FHIT: variants seen among roughly 807,000 people sequenced by gnomAD.
FHIT encodes bis(5'-adenosyl)-triphosphatase.
FHIT carries 19 observed loss-of-function variants against 17.9 expected under a neutral mutation model. The observed-to-expected ratio is 1.06, with a 90% confidence interval of 0.74 to 1.56. The LOEUF (loss-of-function observed/expected upper bound fraction) is 1.56, where lower values mean the gene tolerates loss of function less well. FHIT is among the 40% of genes most tolerant of loss of function. The pLI, the probability that FHIT is intolerant of heterozygous loss-of-function variation, is 0.00. For synonymous variants in FHIT, 81 were observed against 69.7 expected, an observed-to-expected ratio of 1.16 and a Z score of -0.81; for missense variants, 248 against 189.2, an observed-to-expected ratio of 1.31 and a Z score of -1.82.
At chr3:61,062,314 C>A (rs2034456894) in intron 2 of FHIT, among the ~76,000 whole-genome samples, 1 of 152,028 alleles carries the variant, frequency 6.6e-6, no homozygotes, top group South Asian at 2.1e-4. Flanking sequence ...AATGAGGTCC[C>A]TAAGAGTCCC....
At chr3:59,834,142 T>C (rs958678230) in intron 8 of FHIT, among the ~76,000 whole-genome samples, 5 of 152,150 alleles carry the variant, frequency 3.3e-5, no homozygotes, top group Non-Finnish European at 7.4e-5. Flanking sequence ...CACAATGCAA[T>C]GGTCATGCAC....
At chr3:60,206,132 C>CAAA (rs367903030) in intron 5 of FHIT, among the ~76,000 whole-genome samples, 2 of 75,558 alleles carry the variant, frequency 2.6e-5, no homozygotes, top group Non-Finnish European at 5.4e-5. Flanking sequence ...GACTCCGTCT[C>CAAA]AAAAAAAAAA....
chr3:61,014,103 T>C (rs535756496), intron 3 of FHIT, among the ~76,000 whole-genome samples: 1 of 152,286 alleles, frequency 6.6e-6, no homozygotes, highest in South Asian at 2.1e-4. Context: ...TCCAGATTCC[T>C]ACTCAAGCTG....
chr3:60,460,383 C>T (rs900665820), intron 5 of FHIT, among the ~76,000 whole-genome samples: 2 of 151,742 alleles, frequency 1.3e-5, no homozygotes, highest in African/African-American at 2.4e-5. Flanking sequence ...AGGGAAATAA[C>T]ACCTTTTTTT....
chr3:60,299,871 T>A (rs1429533767), intron 5 of FHIT, among the ~76,000 whole-genome samples: 4 of 152,138 alleles, frequency 2.6e-5, no homozygotes, highest in African/African-American at 9.7e-5. Context: ...AATGTGTGTA[T>A]GTGTGGTGTT....
chr3:59,995,878 C>T (rs1699486674), intron 7 of FHIT, among the ~76,000 whole-genome samples: 1 of 152,090 alleles, frequency 6.6e-6, no homozygotes, highest in African/African-American at 2.4e-5. Flanking sequence ...GGGACTGACA[C>T]TAAACTGAAA....
intron 3 of FHIT, among the ~76,000 whole-genome samples, chr3:60,927,788 C>T (rs1369908115): frequency 4.6e-5 from 7 of 152,320 alleles, no homozygotes; most frequent in South Asian, 2.1e-4. Flanking sequence ...TCTGCCCGGC[C>T]GCCAATCCAT....
intron 2 of FHIT, among the ~76,000 whole-genome samples, chr3:61,153,531 T>C (rs560988859): frequency 6.6e-6 from 1 of 152,336 alleles, no homozygotes; most frequent in East Asian, 1.9e-4. Context: ...TTGGGCTTTA[T>C]TCACTTTTTG....
intron 2 of FHIT, among the ~76,000 whole-genome samples, chr3:61,179,331 C>G (rs1391478443): frequency 6.6e-6 from 1 of 152,018 alleles, no homozygotes; most frequent in Non-Finnish European, 1.5e-5. Flanking sequence ...TTCTTAAACA[C>G]AAAAAGATCA....
chr3:59,893,118 G>A (rs1213438684), intron 8 of FHIT, among the ~76,000 whole-genome samples: 4 of 152,158 alleles, frequency 2.6e-5, no homozygotes, highest in Admixed American at 6.5e-5. Context: ...CATTTGGACC[G>A]AACATTTCAC....
chr3:60,621,259 C>T (rs1273002853), intron 4 of FHIT, among the ~76,000 whole-genome samples: 2 of 150,710 alleles, frequency 1.3e-5, no homozygotes, highest in Non-Finnish European at 2.9e-5. Context: ...AGCAATTCTC[C>T]TACCTCAGCC....
intron 5 of FHIT, among the ~76,000 whole-genome samples, chr3:60,198,408 A>G (rs1229566468): frequency 6.6e-6 from 1 of 152,238 alleles, no homozygotes; most frequent in Non-Finnish European, 1.5e-5. Flanking sequence ...TAAATTAAAA[A>G]GTAATCACAT....
chr3:60,838,774 A>G lies in FHIT; in HGVS notation c.-110-16763T>C, dbSNP rs373299278. 7.2e-5 allele frequency among the ~76,000 whole-genome samples: 11 copies of G among 151,768 alleles called. No individual in the cohort carries two copies. In the East Asian group the frequency reaches 1.5e-3, roughly 21 times the overall value. On this transcript the variant is annotated intron_variant, in intron 3 of 9. Coordinates refer to ENST00000492590, the MANE Select transcript of FHIT (RefSeq NM_002012.4). The stretch of plus-strand genomic sequence containing the variant: ...AGAAACTGATTCTGGCAGAAAAAAT[A>G]AACATGTGAAAAATAATTACAATAA...
chr3:60,568,256 A>C (rs1034463678), intron 4 of FHIT, among the ~76,000 whole-genome samples: 4 of 152,204 alleles, frequency 2.6e-5, no homozygotes, highest in Non-Finnish European at 4.4e-5. Flanking sequence ...GCACACATAC[A>C]CCATGGAATA....
At chr3:60,324,863 G>C (rs1024653228) in intron 5 of FHIT, among the ~76,000 whole-genome samples, 1 of 151,736 alleles carries the variant, frequency 6.6e-6, no homozygotes, top group Non-Finnish European at 1.5e-5. Context: ...TATGGTTACT[G>C]TGCCAGTACC....
intron 3 of FHIT, among the ~76,000 whole-genome samples, chr3:60,860,897 GTATATATCATGTATATATGATACATATA>G (rs1703763928): frequency 5.9e-5 from 5 of 84,972 alleles, no homozygotes; most frequent in African/African-American, 2.5e-4. Context: ...ACATATATAC[GTATATATCATGTATATATGATACATATA>G]TACGTATATA....
intron 5 of FHIT, among the ~76,000 whole-genome samples, chr3:60,377,507 C>G (rs910221528): frequency 1.9e-5 from 2 of 106,668 alleles, no homozygotes; most frequent in African/African-American, 7.2e-5. Flanking sequence ...CGGAGTCTCG[C>G]TCTGTCGCCC....
At chr3:60,611,129 T>G (rs536763462) in intron 4 of FHIT, among the ~76,000 whole-genome samples, 1 of 152,190 alleles carries the variant, frequency 6.6e-6, no homozygotes, top group African/African-American at 2.4e-5. Context: ...CATCTCATAG[T>G]TGTCTTCTCA....
chr3:59,764,406 G>A (rs1372670861), intron 8 of FHIT, among the ~76,000 whole-genome samples: 1 of 152,128 alleles, frequency 6.6e-6, no homozygotes, highest in Admixed American at 6.5e-5. Context: ...CCACTGGATT[G>A]GTCACGATTC....
Sources: allele counts gnomAD v4.1 joint callset (sites outside exome capture counted in the v4.1 genomes callset), GRCh38; gene constraint gnomAD v4.1.1; transcripts MANE v1.5; gene names NCBI Gene and HGNC (gene_info 2026-07-23, HGNC 2026-07-21).